PCDH15: variants seen among roughly 807,000 people sequenced by gnomAD.
The protein encoded by PCDH15 is protocadherin-15.
In PCDH15, 129 loss-of-function variants were observed where a neutral mutation model predicts 178.5. The observed-to-expected ratio is 0.72, with a 90% CI of 0.63 to 0.84. The LOEUF (loss-of-function observed/expected upper bound fraction) is 0.84, where lower values mean the gene tolerates loss of function less well. Among genes scored for constraint, PCDH15 ranks in the 40% least tolerant of loss-of-function variants. The pLI is 0.00. For missense variants in PCDH15, 2,230 were observed against 2,099.9 expected (o/e 1.06, Z -1.21); for synonymous variants, 800 against 732.0 (o/e 1.09, Z -1.50).
intron 2 of PCDH15, among the ~76,000 whole-genome samples, chr10:55,153,735 G>C (rs1838801049): frequency 6.6e-6 from 1 of 152,144 alleles, no homozygotes; most frequent in Non-Finnish European, 1.5e-5. Flanking sequence ...GTAGTGAAAA[G>C]AACATGGGTA....
intron 2 of PCDH15, among the ~76,000 whole-genome samples, chr10:55,468,121 G>T (rs1839877455): frequency 6.6e-6 from 1 of 152,054 alleles, no homozygotes; most frequent in African/African-American, 2.4e-5. Flanking sequence ...TAAACAAGCA[G>T]TTTCTCAAGA....
intron 2 of PCDH15, among the ~76,000 whole-genome samples, chr10:54,975,437 T>C (rs1449032858): frequency 6.6e-6 from 1 of 152,178 alleles, no homozygotes; most frequent in Non-Finnish European, 1.5e-5. Context: ...CTTTCCATAT[T>C]GTTGTTAGTG....
intron 3 of PCDH15, among the ~76,000 whole-genome samples, chr10:54,832,587 C>T (rs1021981007): frequency 4.6e-5 from 7 of 152,130 alleles, no homozygotes; most frequent in African/African-American, 1.2e-4. Context: ...CTGGCCAGTA[C>T]ATTTGTATGG....
intron 2 of PCDH15, among the ~76,000 whole-genome samples, chr10:54,581,738 G>C (rs1037881529): frequency 6.6e-6 from 1 of 152,004 alleles, no homozygotes; most frequent in Non-Finnish European, 1.5e-5. Flanking sequence ...ATAGACGTAT[G>C]GAACAGAAAA....
chr10:54,748,483 GA>G (rs1945767413), intron 1 of PCDH15, among the ~76,000 whole-genome samples: 1 of 152,154 alleles, frequency 6.6e-6, no homozygotes, highest in Non-Finnish European at 1.5e-5. Flanking sequence ...TGATTTTTTT[GA>G]AAAAGCTCAG....
chr10:54,380,025 G>A (rs1539318), intron 3 of PCDH15, among the ~76,000 whole-genome samples: 133,607 of 152,078 alleles, frequency 0.88, 58,764 homozygotes, highest in East Asian at 0.99. Flanking sequence ...ATGTTATACC[G>A]TTGCATAATT....
chr10:55,477,099 T>G (rs114868602), intron 2 of PCDH15, among the ~76,000 whole-genome samples: 1 of 151,952 alleles, frequency 6.6e-6, no homozygotes, highest in Admixed American at 6.6e-5. Flanking sequence ...ACTGTTGGAA[T>G]AGGAAATCAG....
At chr10:55,504,411 A>G (rs1210375881) in intron 2 of PCDH15, among the ~76,000 whole-genome samples, 3 of 151,414 alleles carry the variant, frequency 2.0e-5, no homozygotes, top group African/African-American at 7.3e-5. Flanking sequence ...ACATATTGTA[A>G]ATGAGGTCTC....
intron 3 of PCDH15, among the ~76,000 whole-genome samples, chr10:54,808,952 A>G (rs553699156): frequency 6.6e-6 from 1 of 151,470 alleles, no homozygotes; most frequent in South Asian, 2.1e-4. Flanking sequence ...AGAAAAAAAA[A>G]AAAACCAACA....
chr10:55,464,308 A>G (rs1839781967), intron 2 of PCDH15, among the ~76,000 whole-genome samples: 1 of 152,162 alleles, frequency 6.6e-6, no homozygotes, highest in Non-Finnish European at 1.5e-5. Flanking sequence ...TGTTACGACT[A>G]ACCATTTTTT....
At chr10:55,378,908 T>TCTCACACACA (rs61280428) in intron 2 of PCDH15, among the ~76,000 whole-genome samples, 14 of 148,884 alleles carry the variant, frequency 9.4e-5, no homozygotes, top group African/African-American at 3.2e-4. Flanking sequence ...TCTCTCTCTC[T>TCTCACACACA]CACATATGCC....
chr10:54,450,001 C>T (rs2136276363), intron 3 of PCDH15, among the ~76,000 whole-genome samples: 1 of 151,618 alleles, frequency 6.6e-6, no homozygotes, highest in South Asian at 2.1e-4. Flanking sequence ...AGCCTAGATC[C>T]TCCCAAAGTT....
intron 2 of PCDH15, among the ~76,000 whole-genome samples, chr10:55,478,544 A>C (rs1472248101): frequency 1.3e-5 from 2 of 151,658 alleles, no homozygotes; most frequent in Admixed American, 6.6e-5. Context: ...TACATGAAAG[A>C]AGTAGAAAGA....
rs60529059 is a variant in PCDH15, at chr10:54,753,975, ATT to A, written c.-29+46948_-29+46949del. ...GTGGCGCCGCCACCACGGCCGGCTG[ATT>A]TTTTTTTTTTATTATTATTATTTTT... On this transcript the variant is annotated intron_variant, in intron 1 of 37. Transcript: ENST00000644397. Among the ~76,000 whole-genome samples the A allele has an allele frequency of 2.9e-4, 40 of 139,596 alleles. 1 individual carries two copies. The highest frequency in any genetic ancestry group is 3.7e-4 in the African/African-American group (14 of 37,478). 91.6% of individuals were successfully genotyped at this position (139,596 alleles called of 152,430 possible). A position where few individuals can be genotyped will look rare whatever the true frequency, so the allele number is the denominator to read the frequency against.
intron 18 of PCDH15, among the ~76,000 whole-genome samples, chr10:54,053,074 T>G (rs2093812746): frequency 6.6e-6 from 1 of 152,196 alleles, no homozygotes; most frequent in South Asian, 2.1e-4. Flanking sequence ...TTCCCCAGTC[T>G]AAGGTGTGTC....
chr10:55,586,167 G>A (rs1842724016), intron 2 of PCDH15, among the ~76,000 whole-genome samples: 1 of 151,942 alleles, frequency 6.6e-6, no homozygotes, highest in African/African-American at 2.4e-5. Flanking sequence ...GATTATTCTT[G>A]CCTAATAGAT....
chr10:55,339,176 T>A (rs1439461202), intron 2 of PCDH15, among the ~76,000 whole-genome samples: 1 of 152,158 alleles, frequency 6.6e-6, no homozygotes, highest in Non-Finnish European at 1.5e-5. Context: ...TGGTAAATGC[T>A]TGTGGTTCTG....
At chr10:54,681,781 C>T (rs948837808) in intron 1 of PCDH15, among the ~76,000 whole-genome samples, 1 of 152,060 alleles carries the variant, frequency 6.6e-6, no homozygotes, top group Non-Finnish European at 1.5e-5. Context: ...CACATGTGTG[C>T]ACTTGTGTTA....
At position 54,482,928 on chromosome 10, in the gene PCDH15, T is replaced by A. The variant is rs2078831054; in HGVS notation, c.157+44884A>T. Among the ~76,000 whole-genome samples, 7 of 151,792 alleles carry A rather than the reference T, an allele frequency of 4.6e-5. No homozygotes were observed. The Admixed American group carries it at 4.6e-4, about 10-fold the overall frequency. ...CTATGCAAGGAGTAAAATATTAATTTCTAGGCAGGTACCAGAATCTAAACA... is the reference window on the plus strand; with the variant it reads ...CTATGCAAGGAGTAAAATATTAATTACTAGGCAGGTACCAGAATCTAAACA... On this transcript the variant is annotated intron_variant, in intron 3 of 37. Transcript: ENST00000644397.
Sources: allele counts gnomAD v4.1 joint callset (sites outside exome capture counted in the v4.1 genomes callset), GRCh38; gene constraint gnomAD v4.1.1; transcripts MANE v1.5; gene names NCBI Gene and HGNC (gene_info 2026-07-23, HGNC 2026-07-21).